Variants in ANKFN1 observed in about 807,000 individuals in gnomAD.
ANKFN1 encodes the protein ankyrin repeat and fibronectin type III domain containing 1.
A neutral mutation model predicts 108.7 loss-of-function variants in ANKFN1; 74 were observed. The ratio of observed to expected loss-of-function variants is 0.68; its 90% CI spans 0.56 to 0.83. ANKFN1 has a LOEUF of 0.83. Among genes scored for constraint, ANKFN1 ranks in the 40% least tolerant of loss-of-function variants. The pLI is 0.00. For missense variants in ANKFN1, 1,505 were observed against 1,382.3 expected, an observed-to-expected ratio of 1.09 and a Z score of -1.41; for synonymous variants, 547 against 516.2, an observed-to-expected ratio of 1.06 and a Z score of -0.81.
chr17:56,381,696 A>G lies in ANKFN1; in HGVS notation c.910+6982A>G, dbSNP rs143893964. On this transcript the variant is annotated intron_variant, in intron 8 of 20. Transcript: ENST00000682825. ...GAAGAAAGGGTATCAGTGATAGAAGATGAAATGAATGAAATGAAGCGAGAA... is the reference window on the plus strand; with the variant it reads ...GAAGAAAGGGTATCAGTGATAGAAGGTGAAATGAATGAAATGAAGCGAGAA... Among the ~76,000 whole-genome samples, 1,108 of 152,344 alleles carry G rather than the reference A, an allele frequency of 7.3e-3. 12 individuals carry two copies. The highest frequency in any genetic ancestry group is 0.024 in the African/African-American group (994 of 41,576).
At chr17:56,485,333 AG>A (rs2050821579) in intron 18 of ANKFN1, among the ~76,000 whole-genome samples, 1 of 152,226 alleles carries the variant, frequency 6.6e-6, no homozygotes, top group African/African-American at 2.4e-5. Context: ...TGATCTGGGA[AG>A]GTCTCTGAAG....
chr17:56,212,081 A>G (rs1334284075), intron 1 of ANKFN1, among the ~76,000 whole-genome samples: 1 of 151,770 alleles, frequency 6.6e-6, no homozygotes, highest in Non-Finnish European at 1.5e-5. Flanking sequence ...ACTATGTTGA[A>G]TAGAAGCAGC....
At chr17:56,394,895 C>T (rs2047534872) in intron 8 of ANKFN1, among the ~76,000 whole-genome samples, 1 of 152,142 alleles carries the variant, frequency 6.6e-6, no homozygotes, top group South Asian at 2.1e-4. Context: ...GAATTTCTCT[C>T]CAGGAAAAAG....
intron 8 of ANKFN1, among the ~76,000 whole-genome samples, chr17:56,393,333 A>T (rs889111117): frequency 2.6e-5 from 4 of 152,190 alleles, no homozygotes; most frequent in African/African-American, 9.6e-5. Context: ...ACCCTTAGTC[A>T]TCCTTCAAAA....
upstream of ANKFN1, chr17:56,153,473 T>G (rs765921434): frequency 4.3e-6 from 7 of 1,613,504 alleles, no homozygotes; most frequent in African/African-American, 1.3e-5. Flanking sequence ...ACCCCCCAGG[T>G]CCTCTTTCAA....
At chr17:56,066,718 C>T (rs1005466814) in intron 4 of ANKFN1, among the ~76,000 whole-genome samples, 3 of 152,064 alleles carry the variant, frequency 2.0e-5, no homozygotes, top group Non-Finnish European at 2.9e-5. Flanking sequence ...AACTCTGTAC[C>T]CATTAAACAA....
At chr17:56,048,270 C>T (rs567423887) in intron 4 of ANKFN1, among the ~76,000 whole-genome samples, 25 of 152,096 alleles carry the variant, frequency 1.6e-4, no homozygotes, top group Admixed American at 6.5e-4. Context: ...ATTATAATGC[C>T]ACTTATGAAT....
At chr17:56,480,616 T>C in intron 16 of ANKFN1, 52 bp from the exon 17 acceptor site, 1 of 1,578,434 alleles carries the variant, frequency 6.3e-7, no homozygotes, top group Non-Finnish European at 8.7e-7. Flanking sequence ...AGTTCTGAGC[T>C]GTGTTCTGAA....
chr17:56,460,245 G>A (rs2049855041), intron 14 of ANKFN1, among the ~76,000 whole-genome samples: 1 of 152,080 alleles, frequency 6.6e-6, no homozygotes, highest in Admixed American at 6.6e-5. Context: ...CTTGAGCTTA[G>A]GAGTTTCAGA....
intron 4 of ANKFN1, among the ~76,000 whole-genome samples, chr17:56,102,997 T>C (rs1905676600): frequency 6.6e-6 from 1 of 152,230 alleles, no homozygotes; most frequent in East Asian, 1.9e-4. Flanking sequence ...ATAAATAGTA[T>C]GCAGCAAAAT....
intron 3 of ANKFN1, among the ~76,000 whole-genome samples, chr17:56,256,024 A>C (rs1478396807): frequency 6.6e-6 from 1 of 152,100 alleles, no homozygotes; most frequent in East Asian, 1.9e-4. Context: ...AATTTTAATA[A>C]ATAAATAAAA....
Position 56,512,815 on chromosome 17 carries a change from G to A in ANKFN1, c.*1546G>A, listed in dbSNP as rs2051813329. Among the ~76,000 whole-genome samples, 1 of 152,208 alleles carries A rather than the reference G, an allele frequency of 6.6e-6. No individual in the cohort carries two copies. The highest frequency in any genetic ancestry group is 1.5e-5 in the Non-Finnish European group (1 of 68,038). ...ACATAAATAATTACCCTGCTGCAAA[G>A]GTACAGATTTGGCCCATGGCCTATG... is the stretch of plus-strand genomic sequence containing the variant. On this transcript the variant is annotated 3_prime_UTR_variant, in exon 21 of 21. Transcript: ENST00000682825.
At chr17:56,155,979 G>A (rs1909074371) in intron 1 of ANKFN1, among the ~76,000 whole-genome samples, 1 of 152,100 alleles carries the variant, frequency 6.6e-6, no homozygotes, top group South Asian at 2.1e-4. Flanking sequence ...GGTTGGATAG[G>A]CCTGGATTTG....
intron 3 of ANKFN1, among the ~76,000 whole-genome samples, chr17:56,311,068 CT>C (rs1174304900): frequency 6.6e-6 from 1 of 152,000 alleles, no homozygotes; most frequent in Non-Finnish European, 1.5e-5. Flanking sequence ...GCATAATGTC[CT>C]CCAGGTTTAT....
At chr17:56,265,227 T>C (rs1187249884) in intron 3 of ANKFN1, among the ~76,000 whole-genome samples, 1 of 152,174 alleles carries the variant, frequency 6.6e-6, no homozygotes, top group Non-Finnish European at 1.5e-5. Flanking sequence ...CTGGGTAATT[T>C]ATAAACAAAA....
At chr17:56,453,457 T>G (rs2049565132) in intron 11 of ANKFN1, among the ~76,000 whole-genome samples, 1 of 152,184 alleles carries the variant, frequency 6.6e-6, no homozygotes, top group Non-Finnish European at 1.5e-5. Context: ...CAGTCTTCTC[T>G]CAATATAATC....
chr17:56,174,891 G>C (rs1910999768), intron 1 of ANKFN1, among the ~76,000 whole-genome samples: 1 of 152,122 alleles, frequency 6.6e-6, no homozygotes. Flanking sequence ...TTTTACTCAG[G>C]TCAAAATGAG....
At chr17:56,203,247 G>A (rs2143768088) in intron 1 of ANKFN1, among the ~76,000 whole-genome samples, 1 of 152,146 alleles carries the variant, frequency 6.6e-6, no homozygotes, top group South Asian at 2.1e-4. Flanking sequence ...ATCTCCACGG[G>A]ACATACATAC....
At chr17:56,097,785 G>T (rs868494100) in intron 4 of ANKFN1, among the ~76,000 whole-genome samples, 2 of 152,198 alleles carry the variant, frequency 1.3e-5, no homozygotes, top group African/African-American at 2.4e-5. Flanking sequence ...ATCAGGCAAG[G>T]TATGCTGGTT....
Sources: gnomAD v4.1 joint callset for allele counts (sites outside exome capture counted in the v4.1 genomes callset) on GRCh38, gnomAD v4.1.1 for gene constraint, MANE v1.5 for transcripts, NCBI Gene and HGNC (gene_info 2026-07-23, HGNC 2026-07-21) for gene names.